Variants in STAB2 observed in about 807,000 individuals in gnomAD.
The protein encoded by STAB2 is stabilin-2.
A neutral mutation model predicts 338.1 loss-of-function variants in STAB2; 288 were observed. That is an observed-to-expected ratio of 0.85 (90% CI 0.77 to 0.94). The LOEUF (loss-of-function observed/expected upper bound fraction) is 0.94. Ranked by LOEUF, STAB2 falls within the 40% of genes least tolerant of loss-of-function variation. The pLI, the probability that STAB2 is intolerant of heterozygous loss-of-function variation, is 0.00. For synonymous variants in STAB2, 1,202 were observed against 1,193.3 expected (o/e 1.01, Z -0.15); for missense variants, 3,141 against 3,210.1 (o/e 0.98, Z 0.52).
rs947922972 is a variant in STAB2 at position 103,668,535 on chromosome 12, G to A, written c.2086-108G>A. 1.2e-4 allele frequency: 125 copies of A among 1,001,314 alleles called. 1 individual carries two copies. Among genetic ancestry groups the A allele is most frequent in the African/African-American group, 7.5e-4 (47 of 62,652 alleles). The allele number at this position is 1,001,314 out of a possible 1,614,324, so 62.0% of individuals were successfully genotyped here. A position where few individuals can be genotyped will look rare whatever the true frequency, so the allele number is the denominator to read the frequency against. ...GTGTGGTCCAGCACTCTCTCCTGAC[G>A]TCAGTGGTGAAATGGAAGTACAATG... On this transcript the variant is annotated intron_variant, in intron 19 of 68. Transcript: ENST00000388887.
chr12:103,729,725 C>G (rs1369918364), intron 48 of STAB2, among the ~76,000 whole-genome samples: 1 of 152,196 alleles, frequency 6.6e-6, no homozygotes, highest in Non-Finnish European at 1.5e-5. Context: ...ATCCAAGCCA[C>G]TTGACCAGAC....
intron 3 of STAB2, among the ~76,000 whole-genome samples, chr12:103,617,279 G>T (rs935322634): frequency 1.2e-4 from 19 of 152,186 alleles, no homozygotes; most frequent in African/African-American, 4.6e-4. Flanking sequence ...AAGTCTGTAT[G>T]CTCACTGGTA....
At position 103,737,640 on chromosome 12, in the gene STAB2, C is replaced by A; in HGVS notation, c.5557C>A (p.Leu1853Ile). 6.9e-7 allele frequency: 1 copy of A among 1,448,976 alleles called. No homozygotes were observed. The highest frequency in any genetic ancestry group is 9.5e-7 in the Non-Finnish European group (1 of 1,056,644). The allele number at this position is 1,448,976 out of a possible 1,614,324, so 89.8% of individuals were successfully genotyped here. The part of the protein sequence containing the change: ...KCGAGRDIGD[L>I]FLNGQTCRIV... ...TTTTTTTTTTCTTTCTTAGGGTGAC[C>A]TCTTTCTGAATGGCCAAACCTGCAG... The change falls in exon 53 of 69, where the codon CTC (leucine) becomes ATC (isoleucine). Residue 1853 changes from leucine to isoleucine, a missense_variant. Coordinates refer to ENST00000388887, the MANE Select transcript of STAB2 (RefSeq NM_017564.10).
chr12:103,699,587 A>G (rs1878691898), intron 34 of STAB2, among the ~76,000 whole-genome samples: 1 of 152,194 alleles, frequency 6.6e-6, no homozygotes. Context: ...TGCCCCCATG[A>G]TTAAATTACC....
chr12:103,628,333 TGATA>T (rs1465838524), intron 5 of STAB2, among the ~76,000 whole-genome samples: 1 of 152,326 alleles, frequency 6.6e-6, no homozygotes, highest in Non-Finnish European at 1.5e-5. Context: ...GCAAAATGCC[TGATA>T]GATAGTAAGC....
At chr12:103,681,866 G>A (rs1035713412) in intron 25 of STAB2, among the ~76,000 whole-genome samples, 7 of 151,746 alleles carry the variant, frequency 4.6e-5, no homozygotes, top group Admixed American at 2.0e-4. Context: ...TGATCTGCTC[G>A]CCTTGGCCTC....
chr12:103,663,683 T>C (rs1321748069), intron 18 of STAB2, among the ~76,000 whole-genome samples: 2 of 152,208 alleles, frequency 1.3e-5, no homozygotes, highest in Admixed American at 6.5e-5. Flanking sequence ...TCGATCATTA[T>C]ATTTAAGGCC....
At chr12:103,591,951 T>A (rs1393942022) in intron 2 of STAB2, among the ~76,000 whole-genome samples, 1 of 152,216 alleles carries the variant, frequency 6.6e-6, no homozygotes, top group South Asian at 2.1e-4. Flanking sequence ...GAAGGATTTT[T>A]TTTTTTATTT....
rs1196521302 is a variant in STAB2, at chr12:103,746,600, T to C, written c.6140T>C (p.Leu2047Ser). The part of the protein sequence containing the change: ...TGPSCDTQAV[L>S]PAVCTPPCSA... ...AAAGTGGCCCCTTTCTTTGCAGTTT[T>C]GCCTGCAGTGTGTACGCCTCCTTGT... is the stretch of plus-strand genomic sequence containing the variant. The change falls in exon 58 of 69, where the codon TTG (leucine) becomes TCG (serine). Residue 2047 changes from leucine (L) to serine (S), a missense_variant. Physicochemically the swap from Leu to Ser is moderately radical, Grantham distance 145. Transcript: ENST00000388887. 6.2e-7 allele frequency: 1 copy of C among 1,613,962 alleles called. No homozygotes were observed. The highest frequency in any genetic ancestry group is 1.7e-5 in the Admixed American group (1 of 60,012).
chr12:103,610,263 T>G (rs1469094679), intron 3 of STAB2, among the ~76,000 whole-genome samples: 1 of 152,234 alleles, frequency 6.6e-6, no homozygotes, highest in Non-Finnish European at 1.5e-5. Flanking sequence ...GAAGGAATGG[T>G]ACCAACTCCT....
At chr12:103,664,525 C>A (rs1031407581) in intron 18 of STAB2, among the ~76,000 whole-genome samples, 1 of 152,156 alleles carries the variant, frequency 6.6e-6, no homozygotes, top group Admixed American at 6.5e-5. Flanking sequence ...GAAAACATAA[C>A]CCCAAGTTTT....
At chr12:103,653,617 T>TGGATGGAC (rs1198330322) in intron 12 of STAB2, among the ~76,000 whole-genome samples, 7 of 146,896 alleles carry the variant, frequency 4.8e-5, no homozygotes, top group Non-Finnish European at 1.0e-4. Flanking sequence ...GATGGATGGA[T>TGGATGGAC]GGATGGATGG....
At chr12:103,681,613 CTTTTTTT>C (rs907234037) in intron 25 of STAB2, among the ~76,000 whole-genome samples, 5 of 92,952 alleles carry the variant, frequency 5.4e-5, no homozygotes, top group South Asian at 3.7e-4. Context: ...TTCCCCCCTA[CTTTTTTT>C]TTTTTTTTTT....
intron 5 of STAB2, among the ~76,000 whole-genome samples, chr12:103,626,299 C>T (rs1361153062): frequency 6.6e-6 from 1 of 152,080 alleles, no homozygotes; most frequent in Non-Finnish European, 1.5e-5. Flanking sequence ...TTTAAATAGC[C>T]ACATGTGGCT....
At chr12:103,655,096 G>A (rs532310427) in intron 13 of STAB2, among the ~76,000 whole-genome samples, 155 bp from the exon 14 acceptor site, 15 of 152,264 alleles carry the variant, frequency 9.9e-5, no homozygotes, top group East Asian at 1.9e-4. Flanking sequence ...CAACGACAGC[G>A]AACATTTATA....
At chr12:103,746,756 C>T in intron 58 of STAB2, 52 bp downstream of exon 58, 1 of 1,574,394 alleles carries the variant, frequency 6.4e-7, no homozygotes, top group Non-Finnish European at 8.7e-7. Context: ...GGGAGAGGAG[C>T]AGGACTTGCT....
chr12:103,655,169 T>A (rs984155320), intron 13 of STAB2, 82 bp from the exon 14 acceptor site: 9 of 1,295,756 alleles, frequency 6.9e-6, no homozygotes, highest in African/African-American at 3.0e-5. Flanking sequence ...AACTCTGTCA[T>A]CAGTCTTTAA....
chr12:103,600,497 T>G (rs1956937932), intron 3 of STAB2, among the ~76,000 whole-genome samples: 1 of 152,194 alleles, frequency 6.6e-6, no homozygotes, highest in African/African-American at 2.4e-5. Context: ...AGGATACTGA[T>G]CCCATCACAG....
intron 58 of STAB2, among the ~76,000 whole-genome samples, chr12:103,747,164 C>A (rs191071419): frequency 1.0e-3 from 153 of 149,910 alleles, no homozygotes; most frequent in African/African-American, 3.6e-3. Context: ...ATCCAGCCTT[C>A]AAAAAAAAAT....
Sources: gnomAD v4.1 joint callset for allele counts (sites outside exome capture counted in the v4.1 genomes callset) on GRCh38, gnomAD v4.1.1 for gene constraint, MANE v1.5 for transcripts, NCBI Gene and HGNC (gene_info 2026-07-23, HGNC 2026-07-21) for gene names.